Variants in ZC3H12A observed in about 807,000 individuals in gnomAD.
ZC3H12A encodes the protein zinc finger CCCH-type containing 12A.
A neutral mutation model predicts 29.9 loss-of-function variants in ZC3H12A; 9 were observed. The observed-to-expected ratio is 0.30, with a 90% CI of 0.18 to 0.53. ZC3H12A has a LOEUF of 0.53. ZC3H12A is among the 20% of genes least tolerant of loss of function. The pLI, the probability that ZC3H12A is intolerant of heterozygous loss-of-function variation, is 0.96. For missense variants in ZC3H12A, 617 were observed against 799.0 expected (o/e 0.77, Z 2.75); for synonymous variants, 323 against 338.1 (o/e 0.96, Z 0.49).
Position 37,479,920 on chromosome 1 carries a change from C to T in ZC3H12A, c.444-370C>T, listed in dbSNP as rs116952048. The T allele has an allele frequency of 2.0e-6, 2 of 1,025,468 alleles. No homozygotes were observed. The highest frequency in any genetic ancestry group is 8.8e-5 in the East Asian group (1 of 11,376). 63.5% of individuals were successfully genotyped at this position (1,025,468 alleles called of 1,614,324 possible). On this transcript the variant is annotated intron_variant, in intron 2 of 5. Transcript: ENST00000373087. This position sits in a 1 kb window ranked among gnomAD's most constrained non-coding sequence, Gnocchi z 4.5. ...AAGTCTCGCGGCACCTTTCCCCCAC[C>T]CCCAGGTGTGTTGCAAGTGGCCTGG...
In ZC3H12A at chr1:37,483,302, T is replaced by C. The variant is rs757045285; in HGVS notation, c.1491T>C (p.Ser497=). The C allele has an allele frequency of 6.2e-7, 1 of 1,614,076 alleles. No individual in the cohort carries two copies. The highest frequency in any genetic ancestry group is 8.5e-7 in the Non-Finnish European group (1 of 1,179,986). ...GGGCCATGGGTGCTGGCCACTTCAG[T>C]GTCCCTGCCGACTACCCACCCGCGC... The part of the protein sequence containing the change: ...FGRAMGAGHF[S]VPADYPPAPP... Residue 497 remains serine (S), a synonymous_variant, in exon 6 of 6, where the codon AGT becomes AGC. Coordinates refer to ENST00000373087, the MANE Select transcript of ZC3H12A (RefSeq NM_025079.3).
At position 37,475,139 on chromosome 1, in the gene ZC3H12A, G is replaced by A. The variant is rs1301207688; in HGVS notation, c.-38-320G>A. 6.6e-6 allele frequency among the ~76,000 whole-genome samples: 1 copy of A among 152,194 alleles called. No individual in the cohort carries two copies. The highest frequency in any genetic ancestry group is 2.4e-5 in the African/African-American group (1 of 41,450). Reference sequence around the variant, plus strand: ...CTGAGAGCCCCGTCCCTGCCTTCTGGGTCCCCTGGGTTGGCGTGGGGGTTC... The same window carrying A: ...CTGAGAGCCCCGTCCCTGCCTTCTGAGTCCCCTGGGTTGGCGTGGGGGTTC... On this transcript the variant is annotated intron_variant, in intron 1 of 5. Coordinates refer to ENST00000373087, the MANE Select transcript of ZC3H12A (RefSeq NM_025079.3). This position sits in a 1 kb window ranked among gnomAD's most constrained non-coding sequence, Gnocchi z 5.2.
chr1:37,479,847 C>T lies in ZC3H12A; in HGVS notation c.444-443C>T. ...GGTGGTGACTCAGTGTGCATGTGTACATCTGTCCCTGTGGTCCCGGCAGCT... is the reference window on the plus strand; with the variant it reads ...GGTGGTGACTCAGTGTGCATGTGTATATCTGTCCCTGTGGTCCCGGCAGCT... On this transcript the variant is annotated intron_variant, in intron 2 of 5. Coordinates refer to ENST00000373087, the MANE Select transcript of ZC3H12A (RefSeq NM_025079.3). The surrounding 1 kb of genome is among the most constrained non-coding windows in gnomAD (Gnocchi z 4.5). The T allele has an allele frequency of 1.0e-6, 1 of 985,444 alleles. No homozygotes were observed. Among genetic ancestry groups the T allele is most frequent in the Non-Finnish European group, 1.2e-6 (1 of 829,930 alleles). 61.0% of individuals were successfully genotyped at this position (985,444 alleles called of 1,614,324 possible). A position where few individuals can be genotyped will look rare whatever the true frequency, so the allele number is the denominator to read the frequency against.
In ZC3H12A at chr1:37,475,697, C is replaced by T. The variant is rs201308864; in HGVS notation, c.201C>T (p.Ser67=). The T allele has an allele frequency of 3.6e-5, 58 of 1,614,100 alleles. No homozygotes were observed. Among genetic ancestry groups the T allele is most frequent in the South Asian group, 3.1e-4 (28 of 91,080 alleles). Residue 67 remains serine (S), a synonymous_variant, in exon 2 of 6, where the codon AGC becomes AGT. Coordinates refer to ENST00000373087, the MANE Select transcript of ZC3H12A (RefSeq NM_025079.3). This position sits in a 1 kb window ranked among gnomAD's most constrained non-coding sequence, Gnocchi z 5.2. The part of the protein sequence containing the change: ...KLGYSSTEIH[S]VLQKLGVQAD... ...GCTATTCATCCACGGAGATCCACAG[C>T]GTCCTGCAGAAGCTGGGCGTCCAGG...
At chr1:37,480,498 C>G (rs941867607) in intron 3 of ZC3H12A, 69 bp downstream of exon 3, 26 of 1,528,984 alleles carry the variant, frequency 1.7e-5, no homozygotes, top group Middle Eastern at 1.8e-4. Flanking sequence ...CAAGAGAGAC[C>G]CTCTGGGAGT....
In ZC3H12A at chr1:37,478,165, G is replaced by C. The variant is rs144045582; in HGVS notation, c.444-2125G>C. Among the ~76,000 whole-genome samples the C allele has an allele frequency of 6.6e-6, 1 of 152,148 alleles. No individual in the cohort carries two copies. Among genetic ancestry groups the C allele is most frequent in the Non-Finnish European group, 1.5e-5 (1 of 68,028 alleles). ...GGCAGGCCAGAAGGCCCAAGGAAGG[G>C]GGGTGATGTGATGGGGGAAGCACTG... On this transcript the variant is annotated intron_variant, in intron 2 of 5. Transcript: ENST00000373087. This position sits in a 1 kb window ranked among gnomAD's most constrained non-coding sequence, Gnocchi z 5.2.
At position 37,481,586 on chromosome 1, in the gene ZC3H12A, C is replaced by T. The variant is rs772408451; in HGVS notation, c.584-15C>T. 1 of 1,613,824 alleles carries T rather than the reference C, an allele frequency of 6.2e-7. No individual in the cohort carries two copies. Among genetic ancestry groups the T allele is most frequent in the Non-Finnish European group, 8.5e-7 (1 of 1,179,786 alleles). On this transcript the variant is annotated splice_polypyrimidine_tract_variant and intron_variant, in intron 3 of 5. Transcript: ENST00000373087. The stretch of plus-strand genomic sequence containing the variant: ...CCCGCTGGGCCCTGACCTGTGTGCA[C>T]CCGTCACCTCCCAGACCAGCACATC...
In ZC3H12A at chr1:37,475,990, G is replaced by A; in HGVS notation, c.443+51G>A. The A allele has an allele frequency of 6.9e-7, 1 of 1,447,846 alleles. No homozygotes were observed. Among genetic ancestry groups the A allele is most frequent in the African/African-American group, 1.4e-5 (1 of 70,618 alleles). 89.7% of individuals were successfully genotyped at this position (1,447,846 alleles called of 1,614,324 possible). A position where few individuals can be genotyped will look rare whatever the true frequency, so the allele number is the denominator to read the frequency against. ...CACATGAGGTTCGCATCTCTCCTGT[G>A]GCCAGGACACATGGAAGGATGACTG... On this transcript the variant is annotated intron_variant, in intron 2 of 5. Coordinates refer to ENST00000373087, the MANE Select transcript of ZC3H12A (RefSeq NM_025079.3). The surrounding 1 kb of genome is among the most constrained non-coding windows in gnomAD (Gnocchi z 5.2).
intron 2 of ZC3H12A, chr1:37,480,031 C>T (rs1569923425): frequency 3.3e-6 from 4 of 1,209,882 alleles, no homozygotes; most frequent in East Asian, 7.1e-5. Context: ...AAAGTCCCAG[C>T]GGGGCCTGGC....
Position 37,480,286 on chromosome 1 carries a change from C to A in ZC3H12A, c.444-4C>A. The A allele has an allele frequency of 6.2e-7, 1 of 1,611,840 alleles. No individual in the cohort carries two copies. The highest frequency in any genetic ancestry group is 8.5e-7 in the Non-Finnish European group (1 of 1,178,640). ...GTGGGCTAACCCTGTCCTCTCCCTC[C>A]CAGCCATGGGAACAAGGAGGTCTTC... On this transcript the variant is annotated splice_polypyrimidine_tract_variant and splice_region_variant and intron_variant, in intron 2 of 5. Transcript: ENST00000373087.
chr1:37,474,953 C>T (rs1180223058), intron 1 of ZC3H12A, among the ~76,000 whole-genome samples: 1 of 152,242 alleles, frequency 6.6e-6, no homozygotes, highest in Non-Finnish European at 1.5e-5. Flanking sequence ...TTTCTCCCCA[C>T]GGGTCACCCC....
At chr1:37,482,315 C>T in intron 4 of ZC3H12A, 119 bp from the exon 5 acceptor site, 1 of 875,926 alleles carries the variant, frequency 1.1e-6, no homozygotes, top group Middle Eastern at 2.5e-4. Flanking sequence ...CTGGACAGGC[C>T]CCAGTTTTAG....
rs143990809 is a variant in ZC3H12A, at chr1:37,476,326, C to T, written c.443+387C>T. Among the ~76,000 whole-genome samples, 140 of 152,238 alleles carry T rather than the reference C, an allele frequency of 9.2e-4. 1 individual carries two copies. Among genetic ancestry groups the T allele is most frequent in the African/African-American group, 2.8e-3 (118 of 41,522 alleles). On this transcript the variant is annotated intron_variant, in intron 2 of 5. Coordinates refer to ENST00000373087, the MANE Select transcript of ZC3H12A (RefSeq NM_025079.3). The surrounding 1 kb of genome is among the most constrained non-coding windows in gnomAD (Gnocchi z 6.0). Reference sequence around the variant, plus strand: ...TTGTGAGGAGGGAGTGTGCGGATCCCGGAGAGGAGCAAGCGTTCAGGAACC... The same window carrying T: ...TTGTGAGGAGGGAGTGTGCGGATCCTGGAGAGGAGCAAGCGTTCAGGAACC...
rs1457650371 is a variant in ZC3H12A, at chr1:37,475,993, C to A, written c.443+54C>A. On this transcript the variant is annotated intron_variant, in intron 2 of 5. Transcript: ENST00000373087. The surrounding 1 kb of genome is among the most constrained non-coding windows in gnomAD (Gnocchi z 5.2). ...ATGAGGTTCGCATCTCTCCTGTGGC[C>A]AGGACACATGGAAGGATGACTGTCT... 2.6e-5 allele frequency: 38 copies of A among 1,440,048 alleles called. No individual in the cohort carries two copies. Among genetic ancestry groups the A allele is most frequent in the Non-Finnish European group, 3.4e-5 (37 of 1,094,156 alleles). 89.2% of individuals were successfully genotyped at this position (1,440,048 alleles called of 1,614,324 possible). A position where few individuals can be genotyped will look rare whatever the true frequency, so the allele number is the denominator to read the frequency against.
Position 37,482,826 on chromosome 1 carries a change from G to A in ZC3H12A, c.1015G>A (p.Ala339Thr). ...PQRSVADELR[A>T]NALLSPPRAP... ...GCGCTCTGTGGCAGATGAGCTCCGT[G>A]CCAATGCTCTCCTCTCACCCCCCAG... Residue 339 changes from alanine to threonine, a missense_variant, in exon 6 of 6, where the codon GCC (alanine) becomes ACC (threonine). By Grantham distance (58) the Ala-to-Thr change is moderately conservative. Coordinates refer to ENST00000373087, the MANE Select transcript of ZC3H12A (RefSeq NM_025079.3). 6.2e-7 allele frequency: 1 copy of A among 1,613,998 alleles called. No individual in the cohort carries two copies. Among genetic ancestry groups the A allele is most frequent in the African/African-American group, 1.3e-5 (1 of 75,040 alleles).
rs1371538167 is a variant in ZC3H12A at position 37,481,802 on chromosome 1, A to G, written c.785A>G (p.Glu262Gly). ...CAGGAGTGGAAGCGCTTCATCGAGG[A>G]GCGGCTGCTCATGTACTCCTTCGTC... ...ERQEWKRFIE[E>G]RLLMYSFVND... is the part of the protein sequence containing the mutation. Residue 262 changes from glutamate (E) to glycine (G), a missense_variant, in exon 4 of 6, where the codon GAG becomes GGG. Coordinates refer to ENST00000373087, the MANE Select transcript of ZC3H12A (RefSeq NM_025079.3). The G allele has an allele frequency of 6.2e-7, 1 of 1,614,180 alleles. No individual in the cohort carries two copies. Among genetic ancestry groups the G allele is most frequent in the South Asian group, 1.1e-5 (1 of 91,086 alleles).
chr1:37,483,207 G>T lies in ZC3H12A; in HGVS notation c.1396G>T (p.Ala466Ser). 1.2e-6 allele frequency: 2 copies of T among 1,613,580 alleles called. No individual in the cohort carries two copies. The highest frequency in any genetic ancestry group is 3.3e-5 in the Admixed American group (2 of 60,028). Reference sequence around the variant, plus strand: ...CCCTGGTGAGCCGGGCCCACCCCGAGCCCCTTACACGGGCTACAGTCCCTA... The same window carrying T: ...CCCTGGTGAGCCGGGCCCACCCCGATCCCCTTACACGGGCTACAGTCCCTA... ...GGPGEPGPPRAPYTGYSPYGS... is the reference protein window; with the variant it reads ...GGPGEPGPPRSPYTGYSPYGS... Residue 466 changes from alanine to serine, a missense_variant, in exon 6 of 6, where the codon GCC becomes TCC. Physicochemically the swap from Ala to Ser is moderately conservative, Grantham distance 99 (BLOSUM62 1). Coordinates refer to ENST00000373087, the MANE Select transcript of ZC3H12A (RefSeq NM_025079.3).
In ZC3H12A at chr1:37,479,797, CCCACGCTG is replaced by C. The variant is rs1248327699; in HGVS notation, c.444-491_444-484del. On this transcript the variant is annotated intron_variant, in intron 2 of 5. Transcript: ENST00000373087. The surrounding 1 kb of genome is among the most constrained non-coding windows in gnomAD (Gnocchi z 4.5). Reference sequence around the variant, plus strand: ...CCAGCCGGTGCTTCCCCCGCCCCCACCCACGCTGCAAGAGGCGAGGGAGGGGTGGTGAC... The same window carrying C: ...CCAGCCGGTGCTTCCCCCGCCCCCACCAAGAGGCGAGGGAGGGGTGGTGAC... The C allele has an allele frequency of 1.0e-6, 1 of 985,326 alleles. No homozygotes were observed. The highest frequency in any genetic ancestry group is 1.2e-6 in the Non-Finnish European group (1 of 829,942). 61.0% of individuals were successfully genotyped at this position (985,326 alleles called of 1,614,324 possible). A position where few individuals can be genotyped will look rare whatever the true frequency, so the allele number is the denominator to read the frequency against.
rs1641746612 is a variant in ZC3H12A, at chr1:37,483,045, G to A, written c.1234G>A (p.Gly412Ser). ...GAGCCTCGCACCTAGCGGGGGCAGTGGCAGCAGCTTTGGGCCCACAGACTG... is the reference window on the plus strand; with the variant it reads ...GAGCCTCGCACCTAGCGGGGGCAGTAGCAGCAGCTTTGGGCCCACAGACTG... The part of the protein sequence containing the change: ...GRSLAPSGGS[G>S]SSFGPTDWLP... The change falls in exon 6 of 6, where the codon GGC becomes AGC. Residue 412 changes from glycine (G) to serine (S), a missense_variant. This residue lies in a region of ZC3H12A where 115 missense variants were observed against 112.5 expected (regional missense o/e 1.02). Transcript: ENST00000373087. 1 of 1,607,464 alleles carries A rather than the reference G, an allele frequency of 6.2e-7. No homozygotes were observed. Among genetic ancestry groups the A allele is most frequent in the African/African-American group, 1.3e-5 (1 of 74,888 alleles).
Sources: allele counts gnomAD v4.1 joint callset (sites outside exome capture counted in the v4.1 genomes callset), GRCh38; gene constraint gnomAD v4.1.1; regional missense constraint gnomAD v4.1.1; non-coding constraint Gnocchi (gnomAD v3.1); transcripts MANE v1.5; gene names NCBI Gene and HGNC (gene_info 2026-07-23, HGNC 2026-07-21).